The following PHKB variants were observed in gnomAD, a reference collection of about 807,000 sequenced individuals.
PHKB encodes the protein phosphorylase b kinase regulatory subunit beta.
In PHKB, 122 loss-of-function variants were observed where a neutral mutation model predicts 152.1. The observed-to-expected ratio is 0.80, with a 90% CI of 0.69 to 0.93. The LOEUF (loss-of-function observed/expected upper bound fraction) is 0.93, where lower values mean the gene tolerates loss of function less well. Among genes scored for constraint, PHKB ranks in the 40% least tolerant of loss-of-function variants. The pLI, the probability that PHKB is intolerant of heterozygous loss-of-function variation, is 0.00. For missense variants in PHKB, 1,304 were observed against 1,328.4 expected, an observed-to-expected ratio of 0.98 and a Z score of 0.29; for synonymous variants, 436 against 464.9, an observed-to-expected ratio of 0.94 and a Z score of 0.80.
chr16:47,648,635 C>T lies in PHKB; in HGVS notation c.1692+19C>T. On this transcript the variant is annotated intron_variant, in intron 17 of 30. Transcript: ENST00000323584. ...ATCAAAGGTACTCATGAAATGTCCT[C>T]AAAAAGTAGTTTTTGGATTCTAATA... is the stretch of plus-strand genomic sequence containing the variant. The T allele has an allele frequency of 6.4e-7, 1 of 1,561,706 alleles. No homozygotes were observed. The highest frequency in any genetic ancestry group is 8.8e-7 in the Non-Finnish European group (1 of 1,132,356).
intron 20 of PHKB, among the ~76,000 whole-genome samples, chr16:47,654,029 A>G (rs1481496551): frequency 6.6e-6 from 1 of 152,206 alleles, no homozygotes; most frequent in Non-Finnish European, 1.5e-5. Flanking sequence ...CACTCCTCAC[A>G]AAGAGTAGTA....
chr16:47,558,984 CT>C (rs1228648617), intron 7 of PHKB, among the ~76,000 whole-genome samples: 12 of 152,138 alleles, frequency 7.9e-5, no homozygotes, highest in African/African-American at 2.9e-4. Flanking sequence ...ATGTGTTCGC[CT>C]TTTGAATAAG....
intron 1 of PHKB, among the ~76,000 whole-genome samples, chr16:47,469,732 G>T (rs973915568): frequency 6.6e-6 from 1 of 152,102 alleles, no homozygotes; most frequent in South Asian, 2.1e-4. Context: ...TAACAAACTT[G>T]CACGTGTACC....
At chr16:47,582,788 CTTCT>C (rs762024594) in intron 8 of PHKB, among the ~76,000 whole-genome samples, 38 of 152,068 alleles carry the variant, frequency 2.5e-4, no homozygotes, top group Non-Finnish European at 3.8e-4. Flanking sequence ...CAGATAATGT[CTTCT>C]TTCTTTCTTT....
At chr16:47,588,789 G>A (rs1206551238) in intron 9 of PHKB, 116 bp from the exon 10 acceptor site, 2 of 811,110 alleles carry the variant, frequency 2.5e-6, no homozygotes, top group Non-Finnish European at 4.2e-6. Flanking sequence ...TGGGAGCAGA[G>A]CGTGCTCACT....
At chr16:47,515,643 G>C (rs770715351) in intron 6 of PHKB, 42 bp downstream of exon 6, 1 of 828,454 alleles carries the variant, frequency 1.2e-6, no homozygotes, top group Non-Finnish European at 2.1e-6. Flanking sequence ...TTTCACCTCT[G>C]AAAATATCTA....
chr16:47,488,956 A>C (rs1052099586), intron 1 of PHKB, among the ~76,000 whole-genome samples: 1 of 152,160 alleles, frequency 6.6e-6, no homozygotes, highest in African/African-American at 2.4e-5. Context: ...GAATTAAAAA[A>C]ATTTTTTTTT....
intron 1 of PHKB, among the ~76,000 whole-genome samples, chr16:47,470,606 C>T (rs1435057542): frequency 6.6e-6 from 1 of 152,128 alleles, no homozygotes; most frequent in East Asian, 1.9e-4. Context: ...ATTACTATTC[C>T]CTTTTGAAAA....
At chr16:47,492,180 G>A (rs1043365438) in intron 1 of PHKB, among the ~76,000 whole-genome samples, 2 of 152,158 alleles carry the variant, frequency 1.3e-5, no homozygotes, top group African/African-American at 2.4e-5. Flanking sequence ...ACATTGCCAC[G>A]TGGTTGCAGG....
intron 13 of PHKB, among the ~76,000 whole-genome samples, chr16:47,606,231 A>C (rs1164481272): frequency 6.6e-6 from 1 of 152,238 alleles, no homozygotes; most frequent in Non-Finnish European, 1.5e-5. Flanking sequence ...CTCAAATAAC[A>C]ATGCAGATGT....
At chr16:47,585,078 T>C (rs1219495039) in intron 8 of PHKB, among the ~76,000 whole-genome samples, 2 of 152,154 alleles carry the variant, frequency 1.3e-5, no homozygotes, top group Non-Finnish European at 2.9e-5. Context: ...GGTTTCAGAA[T>C]CATCTTCCAG....
intron 13 of PHKB, among the ~76,000 whole-genome samples, chr16:47,604,342 GT>G (rs1316617877): frequency 6.6e-6 from 1 of 152,074 alleles, no homozygotes; most frequent in Non-Finnish European, 1.5e-5. Context: ...ATCTACCAGT[GT>G]TTTCCTATTT....
At chr16:47,575,025 C>T (rs1971726828) in intron 7 of PHKB, among the ~76,000 whole-genome samples, 1 of 152,100 alleles carries the variant, frequency 6.6e-6, no homozygotes, top group African/African-American at 2.4e-5. Context: ...TTTCTTTCAC[C>T]ATCAAGTAGA....
intron 26 of PHKB, among the ~76,000 whole-genome samples, chr16:47,675,158 A>G: frequency 6.6e-6 from 1 of 152,112 alleles, no homozygotes; most frequent in East Asian, 1.9e-4. Flanking sequence ...AAATTAGATA[A>G]CTTTCCCAAG....
At chr16:47,645,224 C>T (rs1307093943) in intron 16 of PHKB, among the ~76,000 whole-genome samples, 15 of 146,152 alleles carry the variant, frequency 1.0e-4, no homozygotes, top group African/African-American at 3.8e-4. Flanking sequence ...TTAATTAGAT[C>T]CCATTTGTCA....
chr16:47,468,307 G>C (rs1969704527), intron 1 of PHKB, among the ~76,000 whole-genome samples: 1 of 152,182 alleles, frequency 6.6e-6, no homozygotes, highest in Admixed American at 6.5e-5. Context: ...AGAAATGCAA[G>C]TCAGCTCATG....
At chr16:47,594,409 A>G (rs1420964868) in intron 12 of PHKB, among the ~76,000 whole-genome samples, 195 bp downstream of exon 12, 1 of 152,236 alleles carries the variant, frequency 6.6e-6, no homozygotes, top group Non-Finnish European at 1.5e-5. Context: ...GGCAATAGTC[A>G]TTCCAAAATA....
intron 6 of PHKB, among the ~76,000 whole-genome samples, chr16:47,544,701 C>G (rs1971126981): frequency 6.6e-6 from 1 of 152,104 alleles, no homozygotes; most frequent in African/African-American, 2.4e-5. Flanking sequence ...TAAAGTCTCC[C>G]ATTATTATTG....
intron 27 of PHKB, 73 bp from the exon 28 acceptor site, chr16:47,693,305 T>G (rs1434089365): frequency 2.0e-6 from 3 of 1,481,284 alleles, no homozygotes; most frequent in Admixed American, 3.4e-5. Flanking sequence ...AACAATTAGT[T>G]CATATTGAAA....
Sources: allele counts gnomAD v4.1 joint callset (sites outside exome capture counted in the v4.1 genomes callset), GRCh38; gene constraint gnomAD v4.1.1; transcripts MANE v1.5; gene names NCBI Gene and HGNC (gene_info 2026-07-23, HGNC 2026-07-21).